RPRD2: variants seen among roughly 807,000 people sequenced by gnomAD.
RPRD2 encodes regulation of nuclear pre-mRNA domain-containing protein 2.
RPRD2 carries 12 observed loss-of-function variants against 104.4 expected under a neutral mutation model. The observed-to-expected ratio is 0.11, with a 90% CI of 0.07 to 0.19. The LOEUF (loss-of-function observed/expected upper bound fraction) is 0.19. RPRD2 is among the 10% of genes least tolerant of loss of function. The probability of loss-of-function intolerance (pLI) is 1.00; values close to 1 mark genes in which losing one functional copy is unlikely to be tolerated. For missense variants in RPRD2, 1,543 were observed against 1,790.1 expected (o/e 0.86, Z 2.49); for synonymous variants, 714 against 684.9 (o/e 1.04, Z -0.66).
chr1:150,402,796 G>A (rs1260378), intron 1 of RPRD2, among the ~76,000 whole-genome samples: 49,934 of 151,918 alleles, frequency 0.33, 8,922 homozygotes, highest in Non-Finnish European at 0.4. Flanking sequence ...GAGAAACCCC[G>A]TCTCTACTAA....
At chr1:150,374,539 GGCAGTCTTGTGAGACTGA>G (rs1406094698) in intron 1 of RPRD2, among the ~76,000 whole-genome samples, 3 of 152,148 alleles carry the variant, frequency 2.0e-5, no homozygotes, top group Non-Finnish European at 4.4e-5. Flanking sequence ...GGAAGTGGGG[GGCAGTCTTGTGAGACTGA>G]GCACTCAGTC....
rs1664623979 is a variant in RPRD2, at chr1:150,419,742, G to A, written c.335+2017G>A. On this transcript the variant is annotated intron_variant, in intron 2 of 10. Transcript: ENST00000369068. ...GTTCAAGCAATTAGGCAATTCTCCT[G>A]CCTCAGCCTCCCGAGTAGCCAGGAT... Among the ~76,000 whole-genome samples the A allele has an allele frequency of 2.0e-5, 3 of 152,270 alleles. No homozygotes were observed. The South Asian group carries it at 6.2e-4, about 32-fold the overall frequency.
intron 7 of RPRD2, among the ~76,000 whole-genome samples, chr1:150,448,905 C>T (rs1666976534): frequency 6.6e-6 from 1 of 152,152 alleles, no homozygotes; most frequent in Non-Finnish European, 1.5e-5. Context: ...TGTACTGGAG[C>T]AGTCTCAAGT....
intron 1 of RPRD2, among the ~76,000 whole-genome samples, chr1:150,377,152 A>G (rs1465883587): frequency 1.3e-5 from 2 of 151,600 alleles, no homozygotes; most frequent in Admixed American, 6.6e-5. Flanking sequence ...CAGCAGTTGC[A>G]GTGAGCTGAG....
intron 1 of RPRD2, among the ~76,000 whole-genome samples, chr1:150,374,207 C>G (rs1328214894): frequency 5.9e-5 from 9 of 152,054 alleles, no homozygotes; most frequent in Admixed American, 4.6e-4. Context: ...GCCTTCATAA[C>G]GAAACTTCCA....
chr1:150,418,588 G>A (rs185203151), intron 2 of RPRD2, among the ~76,000 whole-genome samples: 1 of 152,224 alleles, frequency 6.6e-6, no homozygotes, highest in Admixed American at 6.5e-5. Context: ...AATGATCAGA[G>A]GAAGAAGGGT....
chr1:150,441,976 A>G lies in RPRD2; in HGVS notation c.514+18A>G, dbSNP rs782180742. 9.1e-6 allele frequency: 14 copies of G among 1,535,228 alleles called. No homozygotes were observed. Among genetic ancestry groups the G allele is most frequent in the Non-Finnish European group, 1.3e-5 (14 of 1,113,730 alleles). ...ATCACAAAGTAAGGAACAAAATCTC[A>G]ACTAATATAAAATTACCTCCTCTTT... is the stretch of plus-strand genomic sequence containing the variant. On this transcript the variant is annotated intron_variant, in intron 4 of 10. Transcript: ENST00000369068.
At chr1:150,447,984 T>TTTG (rs1399886140) in intron 7 of RPRD2, among the ~76,000 whole-genome samples, 1 of 152,192 alleles carries the variant, frequency 6.6e-6, no homozygotes, top group Non-Finnish European at 1.5e-5. Flanking sequence ...TTCTCCCAGT[T>TTTG]TTGTTGTGTA....
chr1:150,372,032 T>C (rs1660346145), intron 1 of RPRD2, among the ~76,000 whole-genome samples: 1 of 152,212 alleles, frequency 6.6e-6, no homozygotes, highest in Admixed American at 6.6e-5. Flanking sequence ...TTATTGAAGC[T>C]ATCGTCTAGG....
chr1:150,364,325 A>G lies in RPRD2; in HGVS notation c.-390A>G, dbSNP rs1560135914. 6.6e-6 allele frequency among the ~76,000 whole-genome samples: 1 copy of G among 152,160 alleles called. No homozygotes were observed. On this transcript the variant is annotated 5_prime_UTR_variant, in exon 1 of 11. Coordinates refer to ENST00000369068, the MANE Select transcript of RPRD2 (RefSeq NM_015203.5). ...ACCTGGCTCACAGGAGTGTGGGAAC[A>G]GGGGCGGGGAAGGGCCTTAGCACTG...
In RPRD2 at chr1:150,471,427, T is replaced by C; in HGVS notation, c.2479T>C (p.Phe827Leu). ...GGAAAAGTTCTACCCAGATACTTCTTTCCAAGAAGATGAGGATTACCGAGA... is the reference window on the plus strand; with the variant it reads ...GGAAAAGTTCTACCCAGATACTTCTCTCCAAGAAGATGAGGATTACCGAGA... ...SQEKFYPDTS[F>L]QEDEDYRDFE... The change falls in exon 11 of 11, where the codon TTC (phenylalanine) becomes CTC (leucine). Residue 827 changes from phenylalanine to leucine, a missense_variant. Phe to Leu is a conservative substitution (Grantham distance 22). Coordinates refer to ENST00000369068, the MANE Select transcript of RPRD2 (RefSeq NM_015203.5). The surrounding 1 kb of genome is among the most constrained non-coding windows in gnomAD (Gnocchi z 5.3). 1 of 1,613,974 alleles carries C rather than the reference T, an allele frequency of 6.2e-7. No individual in the cohort carries two copies.
intron 1 of RPRD2, among the ~76,000 whole-genome samples, chr1:150,382,308 A>G (rs1314033729): frequency 6.6e-6 from 1 of 152,204 alleles, no homozygotes; most frequent in Admixed American, 6.6e-5. Context: ...ACCTATTCAT[A>G]TAGCAACATC....
intron 1 of RPRD2, among the ~76,000 whole-genome samples, chr1:150,413,493 C>T (rs1179110898): frequency 6.6e-6 from 1 of 152,166 alleles, no homozygotes; most frequent in African/African-American, 2.4e-5. Context: ...ATCCCAGCTA[C>T]TCAGGAGGCT....
chr1:150,424,091 C>T (rs1362713860), intron 2 of RPRD2, among the ~76,000 whole-genome samples: 1 of 152,098 alleles, frequency 6.6e-6, no homozygotes, highest in Non-Finnish European at 1.5e-5. Flanking sequence ...AGCACCCGGC[C>T]AGTTGAGAAT....
intron 7 of RPRD2, among the ~76,000 whole-genome samples, chr1:150,447,364 C>G (rs1666853094): frequency 7.0e-6 from 1 of 143,828 alleles, no homozygotes; most frequent in East Asian, 2.1e-4. Context: ...GACGGAGTTT[C>G]CCTCTTATTG....
intron 1 of RPRD2, among the ~76,000 whole-genome samples, chr1:150,370,149 C>G (rs1374978412): frequency 6.6e-6 from 1 of 151,952 alleles, no homozygotes; most frequent in Non-Finnish European, 1.5e-5. Context: ...TGGGCTCAAG[C>G]TATCTGCCTG....
intron 10 of RPRD2, among the ~76,000 whole-genome samples, chr1:150,470,055 G>A (rs1249834515): frequency 2.0e-5 from 3 of 151,894 alleles, no homozygotes; most frequent in Admixed American, 6.6e-5. Flanking sequence ...CCTGTCTCCC[G>A]CTTGAAAATA....
rs187423237 is a variant in RPRD2 at position 150,460,426 on chromosome 1, C to T, written c.1411+109C>T. On this transcript the variant is annotated intron_variant, in intron 9 of 10. Coordinates refer to ENST00000369068, the MANE Select transcript of RPRD2 (RefSeq NM_015203.5). ...GTTGTTGTTGTTGTTGTTGTTTAGA[C>T]AGAGTTTCGCTCTGTCTCCCAGGCA... 356 of 1,101,104 alleles carry T rather than the reference C, an allele frequency of 3.2e-4. 1 individual carries two copies. In the Middle Eastern group the frequency reaches 3.9e-3, roughly 12 times the overall value. 68.2% of individuals were successfully genotyped at this position (1,101,104 alleles called of 1,614,324 possible).
At position 150,471,314 on chromosome 1, in the gene RPRD2, A is replaced by G. The variant is rs766604879; in HGVS notation, c.2366A>G (p.Tyr789Cys). Residue 789 changes from tyrosine to cysteine, a missense_variant, in exon 11 of 11, where the codon TAT (tyrosine) becomes TGT (cysteine). Physicochemically the swap from Tyr to Cys is radical, Grantham distance 194. Transcript: ENST00000369068. The surrounding 1 kb of genome is among the most constrained non-coding windows in gnomAD (Gnocchi z 5.3). ...PRELSNSVST[Y>C]RPFGLGSESP... ...GAGCTCTCCAATTCTGTATCTACATATCGACCCTTTGGTCTGGGCAGTGAA... is the reference window on the plus strand; with the variant it reads ...GAGCTCTCCAATTCTGTATCTACATGTCGACCCTTTGGTCTGGGCAGTGAA... The G allele has an allele frequency of 1.9e-6, 3 of 1,613,818 alleles. No individual in the cohort carries two copies. Among genetic ancestry groups the G allele is most frequent in the South Asian group, 2.2e-5 (2 of 91,054 alleles).
Sources: gnomAD v4.1 joint callset for allele counts (sites outside exome capture counted in the v4.1 genomes callset) on GRCh38, gnomAD v4.1.1 for gene constraint, Gnocchi (gnomAD v3.1) non-coding constraint, MANE v1.5 for transcripts, NCBI Gene and HGNC (gene_info 2026-07-23, HGNC 2026-07-21) for gene names.